The following PHKA1 variants were observed in gnomAD, a reference collection of about 807,000 sequenced individuals.
The protein encoded by PHKA1 is phosphorylase b kinase regulatory subunit alpha, skeletal muscle isoform.
PHKA1 carries 60 observed loss-of-function variants against 110.2 expected under a neutral mutation model. The observed-to-expected ratio is 0.54, with a 90% CI of 0.44 to 0.68. The LOEUF (loss-of-function observed/expected upper bound fraction) is 0.68. Among genes scored for constraint, PHKA1 ranks in the 30% least tolerant of loss-of-function variants. The pLI, the probability that PHKA1 is intolerant of heterozygous loss-of-function variation, is 0.00. For missense variants in PHKA1, 801 were observed against 942.5 expected, an observed-to-expected ratio of 0.85 and a Z score of 1.97; for synonymous variants, 316 against 333.6, an observed-to-expected ratio of 0.95 and a Z score of 0.58.
intron 28 of PHKA1, among the ~76,000 whole-genome samples, chrX:72,596,054 T>C (rs1193775884): frequency 8.9e-6 from 1 of 111,965 alleles, no homozygotes; most frequent in South Asian, 3.7e-4. Flanking sequence ...TAAATATATA[T>C]TAACAACTGA....
intron 8 of PHKA1, chrX:72,660,764 G>T (rs2053549788): frequency 3.8e-6 from 1 of 260,384 alleles, no homozygotes. Flanking sequence ...GAAAATAATG[G>T]TTCTTTGTGT....
intron 28 of PHKA1, among the ~76,000 whole-genome samples, chrX:72,597,522 T>C (rs1394555156): frequency 9.0e-6 from 1 of 111,360 alleles, no homozygotes; most frequent in Non-Finnish European, 1.9e-5. Flanking sequence ...TCTTTTAAAT[T>C]TTTTTTAACT....
intron 11 of PHKA1, 67 bp downstream of exon 11, chrX:72,653,368 A>G (rs146517898): frequency 1.5e-6 from 1 of 665,577 alleles, no homozygotes; most frequent in Non-Finnish European, 2.5e-6. Context: ...GACTCAAATG[A>G]GGTAGTCTGA....
At chrX:72,619,413 C>T (rs1556274406) in intron 19 of PHKA1, 108 bp from the exon 20 acceptor site, 3 of 493,448 alleles carry the variant, frequency 6.1e-6, no homozygotes, top group Admixed American at 6.4e-5. Flanking sequence ...CTTCATAGAA[C>T]AAGAATGACA....
intron 5 of PHKA1, 149 bp from the exon 6 acceptor site, chrX:72,676,299 A>T (rs1185494538): frequency 2.4e-6 from 1 of 422,026 alleles, no homozygotes; most frequent in East Asian, 3.9e-5. Flanking sequence ...TATTAAGGAG[A>T]TGCTAATGTG....
intron 5 of PHKA1, among the ~76,000 whole-genome samples, chrX:72,680,284 G>A (rs1423814583): frequency 1.8e-5 from 2 of 112,078 alleles, no homozygotes; most frequent in Non-Finnish European, 3.8e-5. Context: ...AAAGTGCTGG[G>A]ATTACAGGCA....
chrX:72,669,046 C>T (rs781989405), intron 6 of PHKA1, among the ~76,000 whole-genome samples: 1 of 112,505 alleles, frequency 8.9e-6, no homozygotes, highest in South Asian at 3.7e-4. Context: ...TTTGACTCTG[C>T]GCGCAGGTTG....
At position 72,628,154 on chromosome X, in the gene PHKA1, G is replaced by A. The variant is rs139298810; in HGVS notation, c.1715-1105C>T. Among the ~76,000 whole-genome samples, 350 of 110,293 alleles carry A rather than the reference G, an allele frequency of 3.2e-3. 1 individual carries two copies. The highest frequency in any genetic ancestry group is 0.011 in the African/African-American group (340 of 30,291). On this transcript the variant is annotated intron_variant, in intron 16 of 31. Coordinates refer to ENST00000373542, the MANE Select transcript of PHKA1 (RefSeq NM_002637.4). ...TTTCCTACACTTTTAACAACAATGG[G>A]CAATAATCTTTTAAATTTTTCTTAA...
At chrX:72,592,570 G>A (rs960549021) in intron 29 of PHKA1, among the ~76,000 whole-genome samples, 4 of 112,154 alleles carry the variant, frequency 3.6e-5, no homozygotes, top group Non-Finnish European at 7.5e-5. Context: ...AAGAGTCTCC[G>A]AACTATTACC....
At position 72,644,453 on chromosome X, in the gene PHKA1, C is replaced by G. The variant is rs1556296575; in HGVS notation, c.1368G>C (p.Lys456Asn). The G allele has an allele frequency of 8.3e-7, 1 of 1,208,960 alleles. No homozygotes were observed. Among genetic ancestry groups the G allele is most frequent in the Non-Finnish European group, 1.1e-6 (1 of 893,426 alleles). The change falls in exon 14 of 32, where the codon AAG becomes AAC. Residue 456 changes from lysine (K) to asparagine (N), a missense_variant. By Grantham distance (94) the Lys-to-Asn change is moderately conservative (BLOSUM62 0). This residue lies in a region of PHKA1 where 299 missense variants were observed against 423.3 expected (regional missense o/e 0.71). Transcript: ENST00000373542. ...TGGTCTCCACGTAAATTCCCTTGTC[C>G]TTCAAAATGGTCTTGATTTCTTCTG... Reference protein sequence around the residue: ...AETEEIKTILKDKGIYVETIA... With the variant: ...AETEEIKTILNDKGIYVETIA...
Position 72,583,678 on chromosome X carries a change from T to C in PHKA1, c.3297+571A>G, listed in dbSNP as rs782635069. 1.2e-3 allele frequency among the ~76,000 whole-genome samples: 134 copies of C among 112,505 alleles called. 1 individual carries two copies. Among genetic ancestry groups the C allele is most frequent in the African/African-American group, 4.2e-3 (132 of 31,069 alleles). On this transcript the variant is annotated intron_variant, in intron 30 of 31. Transcript: ENST00000373542. ...GCTAGTTTTTATAATTTCTGTGTAG[T>C]TTGGACAAAAAGGAAAATATAAAAG...
intron 18 of PHKA1, 30 bp downstream of exon 18, chrX:72,623,079 C>T (rs782137612): frequency 3.3e-6 from 4 of 1,209,457 alleles, no homozygotes; most frequent in Non-Finnish European, 4.5e-6. Context: ...TTTTGTCCAG[C>T]CAGGCCAGTG....
At chrX:72,704,916 C>G (rs1261513443) in intron 3 of PHKA1, among the ~76,000 whole-genome samples, 1 of 111,736 alleles carries the variant, frequency 8.9e-6, no homozygotes, top group Non-Finnish European at 1.9e-5. Context: ...AAACCTGTAT[C>G]ATCTTTTCAC....
At chrX:72,583,707 C>T (rs1357263846) in intron 30 of PHKA1, among the ~76,000 whole-genome samples, 1 of 112,411 alleles carries the variant, frequency 8.9e-6, no homozygotes, top group Non-Finnish European at 1.9e-5. Flanking sequence ...ATAAAAGCAT[C>T]TGATAATCTA....
intron 29 of PHKA1, among the ~76,000 whole-genome samples, chrX:72,585,774 A>T (rs1556211632): frequency 8.9e-6 from 1 of 112,586 alleles, no homozygotes; most frequent in Non-Finnish European, 1.9e-5. Context: ...ATTATATCCC[A>T]TGCCTGGCTC....
At position 72,658,472 on chromosome X, in the gene PHKA1, A is replaced by C. The variant is rs782550264; in HGVS notation, c.865-831T>G. On this transcript the variant is annotated intron_variant, in intron 8 of 31. Coordinates refer to ENST00000373542, the MANE Select transcript of PHKA1 (RefSeq NM_002637.4). Reference sequence around the variant, plus strand: ...AGACTTTGTTTCAAAAAAAAAAAAAAAAAAAACTTTGGTACGATACTATTA... The same window carrying C: ...AGACTTTGTTTCAAAAAAAAAAAAACAAAAAACTTTGGTACGATACTATTA... 5.5e-5 allele frequency among the ~76,000 whole-genome samples: 6 copies of C among 109,435 alleles called. No homozygotes were observed. The East Asian group carries it at 1.4e-3, about 26-fold the overall frequency.
At chrX:72,585,127 G>A (rs1172277253) in intron 29 of PHKA1, among the ~76,000 whole-genome samples, 1 of 110,678 alleles carries the variant, frequency 9.0e-6, no homozygotes, top group Non-Finnish European at 1.9e-5. Context: ...ACTATCATTT[G>A]TTAATAAACC....
intron 6 of PHKA1, among the ~76,000 whole-genome samples, chrX:72,670,933 T>C (rs2053686027): frequency 2.7e-5 from 3 of 111,570 alleles, no homozygotes; most frequent in Non-Finnish European, 5.6e-5. Context: ...ATGGGACGTA[T>C]CTCAAAATAA....
Position 72,584,262 on chromosome X carries a change from GAGGA to G in PHKA1, c.3280_3283del (p.Ser1094LeufsTer6). On this transcript the variant is annotated frameshift_variant, in exon 30 of 32. Transcript: ENST00000373542. LOFTEE classifies it high-confidence loss of function. ...AGAGACTCTTACCTCTCTAGTGGTA[GAGGA>G]AGGAAGGACAAACCCTTCAACAGAA... 1 of 1,205,677 alleles carries G rather than the reference GAGGA, an allele frequency of 8.3e-7. No homozygotes were observed. The highest frequency in any genetic ancestry group is 1.1e-6 in the Non-Finnish European group (1 of 890,034).
Sources: allele counts gnomAD v4.1 joint callset (sites outside exome capture counted in the v4.1 genomes callset), GRCh38; gene constraint gnomAD v4.1.1; regional missense constraint gnomAD v4.1.1; transcripts MANE v1.5; gene names NCBI Gene and HGNC (gene_info 2026-07-23, HGNC 2026-07-21).